DCAF6: variants seen among roughly 807,000 people sequenced by gnomAD.
DCAF6 encodes DDB1 and CUL4 associated factor 6, also known as DDB1- and CUL4-associated factor 6.
DCAF6 carries 54 observed loss-of-function variants against 125.1 expected under a neutral mutation model. That is an observed-to-expected ratio of 0.43 (90% CI 0.35 to 0.54). The LOEUF (loss-of-function observed/expected upper bound fraction) is 0.54. DCAF6 is among the 20% of genes least tolerant of loss of function. DCAF6 has a pLI of 0.01. For synonymous variants in DCAF6, 371 were observed against 390.4 expected, an observed-to-expected ratio of 0.95 and a Z score of 0.58; for missense variants, 934 against 1,161.7, an observed-to-expected ratio of 0.80 and a Z score of 2.85.
chr1:167,964,833 G>A (rs905902411), intron 2 of DCAF6, among the ~76,000 whole-genome samples: 1 of 152,016 alleles, frequency 6.6e-6, no homozygotes, highest in Non-Finnish European at 1.5e-5. Flanking sequence ...CTACTAATAC[G>A]CCCATCAGAG....
At chr1:167,865,458 T>G in the DCAF6 span, among the ~76,000 whole-genome samples, 1 of 152,236 alleles carries the variant, frequency 6.6e-6, no homozygotes, top group African/African-American at 2.4e-5. Flanking sequence ...AAACTTACCT[T>G]ATGGTCAAAC....
intron 1 of DCAF6, among the ~76,000 whole-genome samples, chr1:167,947,643 A>G (rs551020827): frequency 8.5e-5 from 13 of 152,152 alleles, no homozygotes; most frequent in Admixed American, 3.3e-4. Flanking sequence ...ATTCAGGAGC[A>G]TGTTGTTTAA....
At chr1:167,952,734 G>A (rs890116847) in intron 2 of DCAF6, among the ~76,000 whole-genome samples, 1 of 151,998 alleles carries the variant, frequency 6.6e-6, no homozygotes, top group African/African-American at 2.4e-5. Context: ...TAGTCCCATG[G>A]CTAAAGAAAA....
At chr1:167,960,423 C>T (rs529000211) in intron 2 of DCAF6, among the ~76,000 whole-genome samples, 10 of 152,152 alleles carry the variant, frequency 6.6e-5, no homozygotes, top group Non-Finnish European at 1.3e-4. Flanking sequence ...CTCAGACTCC[C>T]GAGTAGCTGG....
At chr1:167,945,038 C>T (rs1340478708) in intron 1 of DCAF6, among the ~76,000 whole-genome samples, 3 of 152,078 alleles carry the variant, frequency 2.0e-5, no homozygotes, top group South Asian at 2.1e-4. Flanking sequence ...TGCAAGTATG[C>T]GGCTTTATTT....
chr1:167,893,254 G>T, the DCAF6 span, among the ~76,000 whole-genome samples: 2 of 152,104 alleles, frequency 1.3e-5, no homozygotes, highest in Admixed American at 1.3e-4. Context: ...ATATAGAAAG[G>T]GTGCCCGCAT....
rs1683819408 is a variant in DCAF6, at chr1:168,009,192, GT to G, written c.1378+4402del. ...TTTTTATACTTTTAGTAGAGACAGG[GT>G]TTCACCGTGTTGGCCACGATGGTCT... On this transcript the variant is annotated intron_variant, in intron 10 of 21. Transcript: ENST00000367840. Among the ~76,000 whole-genome samples, 3 of 151,752 alleles carry G rather than the reference GT, an allele frequency of 2.0e-5. No homozygotes were observed. In the South Asian group the frequency reaches 6.2e-4, roughly 32 times the overall value.
At chr1:167,974,571 A>G (rs1451524794) in intron 3 of DCAF6, among the ~76,000 whole-genome samples, 2 of 152,190 alleles carry the variant, frequency 1.3e-5, no homozygotes, top group Non-Finnish European at 2.9e-5. Context: ...GATAAACTAA[A>G]TAAATGGAAA....
the DCAF6 span, among the ~76,000 whole-genome samples, chr1:167,909,162 T>C: frequency 6.6e-6 from 1 of 152,226 alleles, no homozygotes; most frequent in Non-Finnish European, 1.5e-5. Flanking sequence ...GAAATCATAC[T>C]ACATATTTTG....
At chr1:167,962,349 A>G (rs191762262) in intron 2 of DCAF6, among the ~76,000 whole-genome samples, 3 of 151,590 alleles carry the variant, frequency 2.0e-5, no homozygotes, top group African/African-American at 4.8e-5. Context: ...GTCAGTTTTT[A>G]TCTCACATAT....
chr1:168,068,962 G>A (rs958215786), intron 21 of DCAF6, among the ~76,000 whole-genome samples: 5 of 152,070 alleles, frequency 3.3e-5, no homozygotes, highest in Non-Finnish European at 5.9e-5. Flanking sequence ...AAAAGAAAAG[G>A]TCTAGTATCT....
At chr1:167,912,722 C>T in the DCAF6 span, among the ~76,000 whole-genome samples, 1 of 152,194 alleles carries the variant, frequency 6.6e-6, no homozygotes, top group Non-Finnish European at 1.5e-5. Flanking sequence ...TAAAATCACT[C>T]CACATGTGTC....
At chr1:168,026,900 G>C (rs1367373572) in intron 12 of DCAF6, among the ~76,000 whole-genome samples, 1 of 151,972 alleles carries the variant, frequency 6.6e-6, no homozygotes, top group Non-Finnish European at 1.5e-5. Flanking sequence ...AGAAAAAGAG[G>C]GTAGTGTGAG....
intron 10 of DCAF6, among the ~76,000 whole-genome samples, chr1:168,007,620 C>G (rs1287820240): frequency 6.6e-6 from 1 of 152,136 alleles, no homozygotes; most frequent in Non-Finnish European, 1.5e-5. Flanking sequence ...GCTGTCACTC[C>G]TTCTTGAAAC....
At chr1:167,946,720 C>T (rs1291349287) in intron 1 of DCAF6, among the ~76,000 whole-genome samples, 1 of 152,044 alleles carries the variant, frequency 6.6e-6, no homozygotes, top group African/African-American at 2.4e-5. Context: ...GGTATAAAAC[C>T]CACTTGATCA....
chr1:167,898,316 A>T, the DCAF6 span, among the ~76,000 whole-genome samples: 1 of 152,044 alleles, frequency 6.6e-6, no homozygotes, highest in Non-Finnish European at 1.5e-5. Flanking sequence ...ATGATTGAAG[A>T]GAGGCTGGGC....
the DCAF6 span, chr1:167,875,212 T>C: frequency 6.2e-7 from 1 of 1,611,522 alleles, no homozygotes. Context: ...AAAGAACAGA[T>C]GCTAGATTCA....
intron 1 of DCAF6, among the ~76,000 whole-genome samples, chr1:167,940,295 G>A (rs928730769): frequency 6.6e-6 from 1 of 152,192 alleles, no homozygotes; most frequent in Non-Finnish European, 1.5e-5. Flanking sequence ...TTTTAGACTA[G>A]CATGGATTTA....
chr1:167,937,566 C>G (rs74332183), intron 1 of DCAF6, among the ~76,000 whole-genome samples: 12 of 152,108 alleles, frequency 7.9e-5, no homozygotes, highest in Non-Finnish European at 1.6e-4. Flanking sequence ...CCCGCGCGCT[C>G]TCCCAGTTCC....
Sources: allele counts gnomAD v4.1 joint callset (sites outside exome capture counted in the v4.1 genomes callset), GRCh38; gene constraint gnomAD v4.1.1; transcripts MANE v1.5; gene names NCBI Gene and HGNC (gene_info 2026-07-23, HGNC 2026-07-21).